Variants in DPP6 observed in about 807,000 individuals in gnomAD.
DPP6 encodes A-type potassium channel modulatory protein DPP6.
Under a neutral mutation model 122.6 loss-of-function variants are expected in DPP6, and 69 were observed. That is an observed-to-expected ratio of 0.56 (90% CI 0.46 to 0.69). The LOEUF (loss-of-function observed/expected upper bound fraction) is 0.69, where lower values mean the gene tolerates loss of function less well. Ranked by LOEUF, DPP6 falls within the 30% of genes least tolerant of loss-of-function variation. The probability of loss-of-function intolerance (pLI) is 0.00; values close to 1 mark genes in which losing one functional copy is unlikely to be tolerated. For synonymous variants in DPP6, 418 were observed against 433.1 expected, an observed-to-expected ratio of 0.97 and a Z score of 0.43; for missense variants, 928 against 1,116.9, an observed-to-expected ratio of 0.83 and a Z score of 2.41.
At chr7:154,801,266 T>A in intron 12 of DPP6, 89 bp from the exon 13 acceptor site, 1 of 1,500,680 alleles carries the variant, frequency 6.7e-7, no homozygotes, top group African/African-American at 1.4e-5. Context: ...ACATAGAAAA[T>A]GTATCTCGGG....
At chr7:154,152,543 C>T (rs1201419717) in intron 1 of DPP6, among the ~76,000 whole-genome samples, 1 of 152,158 alleles carries the variant, frequency 6.6e-6, no homozygotes, top group East Asian at 1.9e-4. Context: ...AGGAGTTTAG[C>T]AAATTTATGT....
intron 1 of DPP6, among the ~76,000 whole-genome samples, chr7:154,322,018 C>T (rs1464149142): frequency 1.3e-5 from 2 of 151,936 alleles, no homozygotes; most frequent in Non-Finnish European, 2.9e-5. Context: ...AAGGCATCTC[C>T]CAGCACTTTC....
At chr7:153,968,392 T>C (rs955492671) in intron 1 of DPP6, among the ~76,000 whole-genome samples, 15 of 152,216 alleles carry the variant, frequency 9.9e-5, no homozygotes, top group African/African-American at 3.6e-4. Flanking sequence ...TTGTCCACTT[T>C]TTAATGTGGT....
the DPP6 span, among the ~76,000 whole-genome samples, chr7:153,802,802 G>A: frequency 1.3e-5 from 2 of 152,192 alleles, no homozygotes; most frequent in African/African-American, 2.4e-5. Context: ...AAAGAAGCAT[G>A]TTTAATGTGT....
At chr7:154,262,331 G>A (rs1233531392) in intron 1 of DPP6, among the ~76,000 whole-genome samples, 1 of 152,046 alleles carries the variant, frequency 6.6e-6, no homozygotes. Flanking sequence ...GAGGTAATTA[G>A]GTTAAAATGA....
chr7:154,234,859 A>C (rs1801111173), intron 1 of DPP6, among the ~76,000 whole-genome samples: 2 of 151,288 alleles, frequency 1.3e-5, no homozygotes, highest in African/African-American at 4.9e-5. Flanking sequence ...TGCTCTTCCC[A>C]CCTCACACAG....
chr7:154,444,831 A>C (rs772209447), intron 1 of DPP6, among the ~76,000 whole-genome samples: 36 of 152,228 alleles, frequency 2.4e-4, no homozygotes, highest in Non-Finnish European at 4.9e-4. Context: ...CCTAATAGGA[A>C]ATGAGATTGA....
chr7:154,576,594 C>T (rs1194789697), intron 5 of DPP6, among the ~76,000 whole-genome samples: 1 of 152,116 alleles, frequency 6.6e-6, no homozygotes, highest in Non-Finnish European at 1.5e-5. Context: ...GAGATACGGT[C>T]ACTTGTTGAG....
At chr7:154,701,635 T>C (rs900016600) in intron 7 of DPP6, among the ~76,000 whole-genome samples, 6 of 152,230 alleles carry the variant, frequency 3.9e-5, no homozygotes, top group Admixed American at 1.3e-4. Flanking sequence ...CACCAGATCA[T>C]GCATCTTCCC....
chr7:154,461,964 AT>A (rs924969712), intron 2 of DPP6, among the ~76,000 whole-genome samples: 102 of 151,474 alleles, frequency 6.7e-4, no homozygotes, highest in Admixed American at 2.0e-3. Flanking sequence ...AGTTTCCCCA[AT>A]TTTTTTTTAA....
intron 16 of DPP6, among the ~76,000 whole-genome samples, chr7:154,810,917 T>C (rs1353726168): frequency 4.6e-5 from 7 of 152,250 alleles, no homozygotes; most frequent in African/African-American, 1.7e-4. Flanking sequence ...AAGATAGGAA[T>C]AGATCTCAGA....
chr7:154,169,516 C>T (rs1198962015), intron 1 of DPP6, among the ~76,000 whole-genome samples: 1 of 152,174 alleles, frequency 6.6e-6, no homozygotes, highest in African/African-American at 2.4e-5. Context: ...TTCTCTGTGT[C>T]TTGATTTCCT....
intron 1 of DPP6, among the ~76,000 whole-genome samples, chr7:153,918,074 C>T (rs1047361875): frequency 6.6e-5 from 10 of 152,156 alleles, no homozygotes; most frequent in Non-Finnish European, 1.5e-4. Context: ...GTGACACATG[C>T]ACACCTCGTG....
At position 154,444,237 on chromosome 7, in the gene DPP6, C is replaced by T. The variant is rs75261507; in HGVS notation, c.244-1977C>T. ...CTTTGGGAGGCCGAGGCGGGCGGAT[C>T]GCAAGGTCAGGAGATTAAGACCATT... On this transcript the variant is annotated intron_variant, in intron 1 of 25. Coordinates refer to ENST00000377770, the MANE Select transcript of DPP6 (RefSeq NM_130797.4). 1.1e-4 allele frequency among the ~76,000 whole-genome samples: 16 copies of T among 151,924 alleles called. No individual in the cohort carries two copies. The East Asian group carries it at 2.9e-3, about 28-fold the overall frequency.
chr7:153,900,819 G>A (rs1001986230), intron 1 of DPP6, among the ~76,000 whole-genome samples: 2 of 152,106 alleles, frequency 1.3e-5, no homozygotes, highest in South Asian at 4.2e-4. Flanking sequence ...TCCGTAGCAC[G>A]CTTTATGGTA....
chr7:153,964,817 CTTTCCTTTCCT>C lies in DPP6; in HGVS notation c.51+77092_51+77102del, dbSNP rs1260712894. Among the ~76,000 whole-genome samples, 356 of 59,486 alleles carry C rather than the reference CTTTCCTTTCCT, an allele frequency of 6.0e-3. 3 individuals carry two copies. Among genetic ancestry groups the C allele is most frequent in the Non-Finnish European group, 8.2e-3 (281 of 34,424 alleles). 39.0% of individuals were successfully genotyped at this position (59,486 alleles called of 152,430 possible). A position where few individuals can be genotyped will look rare whatever the true frequency, so the allele number is the denominator to read the frequency against. On this transcript the variant is annotated intron_variant, in intron 1 of 25. Transcript: ENST00000404039. Reference sequence around the variant, plus strand: ...CTTTCCTTTCCTTTCCTTTCCTTTCCTTTCCTTTCCTTTTCCTTTTCCTTTTCCTTTTCCTT... The same window carrying C: ...CTTTCCTTTCCTTTCCTTTCCTTTCCTTTCCTTTTCCTTTTCCTTTTCCTT...
chr7:154,228,828 G>C (rs1311562795), intron 1 of DPP6, among the ~76,000 whole-genome samples: 1 of 152,074 alleles, frequency 6.6e-6, no homozygotes, highest in Non-Finnish European at 1.5e-5. Flanking sequence ...AAGAACTGAG[G>C]GTCCCTGGAA....
intron 8 of DPP6, among the ~76,000 whole-genome samples, chr7:154,749,230 G>C (rs1227908639): frequency 1.0e-5 from 1 of 97,020 alleles, no homozygotes; most frequent in African/African-American, 3.9e-5. Context: ...TAGGACAGGA[G>C]GGAGAGGGAT....
chr7:154,281,713 G>A (rs184096325), intron 1 of DPP6, among the ~76,000 whole-genome samples: 4 of 152,298 alleles, frequency 2.6e-5, no homozygotes, highest in Admixed American at 6.5e-5. Context: ...GTGCAATTTT[G>A]TGTGATTTGA....
Sources: gnomAD v4.1 joint callset for allele counts (sites outside exome capture counted in the v4.1 genomes callset) on GRCh38, gnomAD v4.1.1 for gene constraint, MANE v1.5 for transcripts, NCBI Gene and HGNC (gene_info 2026-07-23, HGNC 2026-07-21) for gene names.